The following DYNC2LI1 variants were observed in gnomAD, a reference collection of about 807,000 sequenced individuals.
DYNC2LI1 encodes the protein cytoplasmic dynein 2 light intermediate chain 1.
DYNC2LI1 carries 45 observed loss-of-function variants against 51.9 expected under a neutral mutation model. The observed-to-expected ratio is 0.87, with a 90% CI of 0.68 to 1.11. DYNC2LI1 has a LOEUF of 1.11. Among genes scored for constraint, DYNC2LI1 ranks in the 50% most tolerant of loss-of-function variants. DYNC2LI1 has a pLI of 0.00. For synonymous variants in DYNC2LI1, 130 were observed against 137.8 expected (o/e 0.94, Z 0.40); for missense variants, 490 against 417.4 (o/e 1.17, Z -1.51).
intron 2 of DYNC2LI1, chr2:43,781,601 C>CTTTTTTT (rs1406731600): frequency 7.5e-6 from 1 of 133,354 alleles, no homozygotes. Context: ...TCCTGATTTT[C>CTTTTTTT]TTTTTCTTTT....
Position 43,795,906 on chromosome 2 carries a change from A to G in DYNC2LI1, c.524A>G (p.Asp175Gly). ...TATTAGCAGGATCATGAATTAATTG[A>G]CCCATTTCCGGTACCTCTGGTCATA... ...PKDHPDHELI[D>G]PFPVPLVIIG... is the part of the protein sequence containing the mutation. Residue 175 changes from aspartate to glycine, a missense_variant, in exon 7 of 13, where the codon GAC becomes GGC. Coordinates refer to ENST00000260605, the MANE Select transcript of DYNC2LI1 (RefSeq NM_016008.4). 6.2e-7 allele frequency: 1 copy of G among 1,612,982 alleles called. No homozygotes were observed. Among genetic ancestry groups the G allele is most frequent in the Non-Finnish European group, 8.5e-7 (1 of 1,179,144 alleles).
chr2:43,805,820 G>A (rs754470240), intron 12 of DYNC2LI1, among the ~76,000 whole-genome samples: 10 of 151,980 alleles, frequency 6.6e-5, no homozygotes, highest in South Asian at 2.1e-4. Flanking sequence ...CAAGTCTGAT[G>A]TAAGAATGTT....
the DYNC2LI1 span, chr2:43,820,247 TG>T: frequency 4.5e-6 from 4 of 887,834 alleles, no homozygotes; most frequent in Middle Eastern, 2.3e-4. Flanking sequence ...AAGGCCGTTT[TG>T]GAAAGGAGTC....
chr2:43,795,994 A>C, intron 7 of DYNC2LI1, 36 bp downstream of exon 7: 1 of 1,462,604 alleles, frequency 6.8e-7, no homozygotes, highest in Non-Finnish European at 9.5e-7. Context: ...TTTGTTGTAC[A>C]TATATGGCTG....
intron 3 of DYNC2LI1, among the ~76,000 whole-genome samples, 174 bp downstream of exon 3, chr2:43,783,728 A>G (rs1275780128): frequency 1.3e-5 from 2 of 152,224 alleles, no homozygotes; most frequent in Non-Finnish European, 2.9e-5. Context: ...AAAACTAACA[A>G]TAAGCCAAAA....
intron 4 of DYNC2LI1, among the ~76,000 whole-genome samples, chr2:43,789,191 C>G (rs1388334197): frequency 6.6e-6 from 1 of 152,170 alleles, no homozygotes. Flanking sequence ...TTACGTGTGT[C>G]TAATTCATTC....
intron 6 of DYNC2LI1, chr2:43,794,863 T>C: frequency 2.1e-6 from 3 of 1,429,592 alleles, no homozygotes; most frequent in Non-Finnish European, 2.7e-6. Flanking sequence ...CTTCTGTGAT[T>C]GTTATGGCAT....
At chr2:43,810,361 T>C, downstream of DYNC2LI1, 1 of 985,282 alleles carries the variant, frequency 1.0e-6, no homozygotes, top group Non-Finnish European at 1.2e-6. Flanking sequence ...TTATTTTAAA[T>C]ACCACTTTTT....
chr2:43,775,854 ATTTTTT>A (rs57868887), intron 1 of DYNC2LI1: 60 of 50,394 alleles, frequency 1.2e-3, no homozygotes, highest in South Asian at 2.7e-3. Context: ...CACCTGGCCA[ATTTTTT>A]TTTTTTTTTT....
rs928424298 is a variant in DYNC2LI1 at position 43,794,585 on chromosome 2, C to A, written c.449C>A (p.Ala150Asp). 6.2e-7 allele frequency: 1 copy of A among 1,614,038 alleles called. No homozygotes were observed. Among genetic ancestry groups the A allele is most frequent in the Admixed American group, 1.7e-5 (1 of 60,014 alleles). Residue 150 changes from alanine (A) to aspartate (D), a missense_variant, in exon 6 of 13, where the codon GCT becomes GAT. Transcript: ENST00000260605. ...ATAATGAAACTGGGAAAGACAAATGCTAAAGCAGTTTCTGAAATGAGACAG... is the reference window on the plus strand; with the variant it reads ...ATAATGAAACTGGGAAAGACAAATGATAAAGCAGTTTCTGAAATGAGACAG... ...KVIMKLGKTN[A>D]KAVSEMRQKI...
chr2:43,797,237 G>A (rs1665897422), intron 8 of DYNC2LI1, among the ~76,000 whole-genome samples: 2 of 152,106 alleles, frequency 1.3e-5, no homozygotes, highest in Admixed American at 6.6e-5. Flanking sequence ...CCCTGGGTTC[G>A]AATCTCAGAG....
chr2:43,776,121 G>C (rs1364941371), intron 1 of DYNC2LI1, among the ~76,000 whole-genome samples: 1 of 151,540 alleles, frequency 6.6e-6, no homozygotes, highest in Non-Finnish European at 1.5e-5. Context: ...GTGCCATGTT[G>C]GTTTGCTGCA....
At chr2:43,788,159 G>C (rs1673609935) in intron 4 of DYNC2LI1, among the ~76,000 whole-genome samples, 1 of 152,140 alleles carries the variant, frequency 6.6e-6, no homozygotes, top group East Asian at 1.9e-4. Flanking sequence ...CTTAACTTTT[G>C]AGAAGAGCTC....
At chr2:43,792,743 G>A (rs1229228783) in intron 5 of DYNC2LI1, 4 of 1,546,590 alleles carry the variant, frequency 2.6e-6, no homozygotes. Context: ...TCATATAAAT[G>A]AAATCATTCA....
chr2:43,798,425 T>A (rs1665961981), intron 8 of DYNC2LI1, among the ~76,000 whole-genome samples: 1 of 150,882 alleles, frequency 6.6e-6, no homozygotes, highest in Admixed American at 6.6e-5. Context: ...ATATGGGGAA[T>A]TTAAAGTGAA....
intron 12 of DYNC2LI1, among the ~76,000 whole-genome samples, chr2:43,809,099 C>A (rs190131737): frequency 1.3e-5 from 2 of 152,148 alleles, no homozygotes; most frequent in East Asian, 3.9e-4. Flanking sequence ...AGCGATCCTC[C>A]CACCTCAGAC....
chr2:43,811,558 G>C (rs10180615), downstream of DYNC2LI1, among the ~76,000 whole-genome samples: 35,375 of 151,896 alleles, frequency 0.23, 4,595 homozygotes, highest in African/African-American at 0.34. Context: ...GGAATTACTT[G>C]AAGATCAATC....
chr2:43,810,261 G>A (rs1666436147), downstream of DYNC2LI1: 8 of 699,408 alleles, frequency 1.1e-5, no homozygotes, highest in South Asian at 5.2e-4. Flanking sequence ...CACATTCCCA[G>A]GTCCCCACAC....
At chr2:43,794,391 G>C (rs1444510104) in intron 5 of DYNC2LI1, 66 bp from the exon 6 acceptor site, 1 of 1,441,864 alleles carries the variant, frequency 6.9e-7, no homozygotes, top group Non-Finnish European at 9.3e-7. Flanking sequence ...ATAAATTTCA[G>C]TACATTAGGA....
Sources: gnomAD v4.1 joint callset for allele counts (sites outside exome capture counted in the v4.1 genomes callset) on GRCh38, gnomAD v4.1.1 for gene constraint, MANE v1.5 for transcripts, NCBI Gene and HGNC (gene_info 2026-07-23, HGNC 2026-07-21) for gene names.